The following AZU1 variants were observed in gnomAD, a reference collection of about 807,000 sequenced individuals.
The protein encoded by AZU1 is azurocidin 1, also known as azurocidin.
A neutral mutation model predicts 17.8 loss-of-function variants in AZU1; 21 were observed. The ratio of observed to expected loss-of-function variants is 1.18; its 90% confidence interval spans 0.84 to 1.70. AZU1 has a LOEUF of 1.70. Among genes scored for constraint, AZU1 ranks in the 40% most tolerant of loss-of-function variants. The pLI, the probability that AZU1 is intolerant of heterozygous loss-of-function variation, is 0.00. For synonymous variants in AZU1, 178 were observed against 155.2 expected (o/e 1.15, Z -1.09); for missense variants, 379 against 362.9 (o/e 1.04, Z -0.36).
At chr19:828,748 G>C (rs1208942380) in intron 2 of AZU1, among the ~76,000 whole-genome samples, 2 of 121,078 alleles carry the variant, frequency 1.7e-5, no homozygotes, top group African/African-American at 3.2e-5. Flanking sequence ...AAAGGAAGGG[G>C]CTCAGATGGA....
intron 4 of AZU1, chr19:831,367 C>T (rs565734477): frequency 3.2e-4 from 110 of 341,246 alleles, no homozygotes; most frequent in African/African-American, 1.3e-3. Context: ...CATGAGCCAC[C>T]GTGCCTGGCT....
chr19:830,840 C>G lies in AZU1; in HGVS notation c.493C>G (p.Arg165Gly). ...GSQRSGGRLS[R>G]FPRFVNVTVT... ...CCAGCGCAGTGGGGGGCGTCTCTCCCGTTTTCCCAGGTTTGTCAACGTGAC... is the reference window on the plus strand; with the variant it reads ...CCAGCGCAGTGGGGGGCGTCTCTCCGGTTTTCCCAGGTTTGTCAACGTGAC... The change falls in exon 4 of 5, where the codon CGT becomes GGT. Residue 165 changes from arginine to glycine, a missense_variant. By Grantham distance (125) the Arg-to-Gly change is moderately radical (BLOSUM62 -2). Coordinates refer to ENST00000233997, the MANE Select transcript of AZU1 (RefSeq NM_001700.5). The G allele has an allele frequency of 1.2e-6, 2 of 1,608,402 alleles. No homozygotes were observed. The highest frequency in any genetic ancestry group is 1.1e-5 in the South Asian group (1 of 91,076).
intron 3 of AZU1, 145 bp downstream of exon 3, chr19:829,851 G>C (rs1183287172): frequency 1.8e-5 from 22 of 1,242,502 alleles, no homozygotes; most frequent in Non-Finnish European, 2.4e-5. Context: ...TGCTTCAGGA[G>C]GCCGAGGCGG....
At chr19:829,127 T>C (rs373879879) in intron 2 of AZU1, among the ~76,000 whole-genome samples, 49 of 13,568 alleles carry the variant, frequency 3.6e-3, no homozygotes, top group African/African-American at 9.5e-3. Context: ...ATGGAGGAGG[T>C]GCAGAGAAGG....
At chr19:829,298 G>A (rs867026163) in intron 2 of AZU1, among the ~76,000 whole-genome samples, 1,869 of 105,034 alleles carry the variant, frequency 0.018, no homozygotes, top group East Asian at 0.046. Flanking sequence ...GAGGCTCAGA[G>A]AAGGGAAGGG....
chr19:831,637 C>A (rs1038383938), intron 4 of AZU1, 79 bp from the exon 5 acceptor site: 7 of 1,416,382 alleles, frequency 4.9e-6, no homozygotes, highest in African/African-American at 1.4e-5. Flanking sequence ...GTTCCAGGGG[C>A]AGCAAGAGGC....
In AZU1 at chr19:832,005, G is replaced by T; in HGVS notation, c.*128G>T. 1 of 1,193,252 alleles carries T rather than the reference G, an allele frequency of 8.4e-7. No individual in the cohort carries two copies. Among genetic ancestry groups the T allele is most frequent in the Non-Finnish European group, 1.2e-6 (1 of 866,418 alleles). 73.9% of individuals were successfully genotyped at this position (1,193,252 alleles called of 1,614,324 possible). ...GGGCCCTGGCTGTAATAAAGAAGCCGATCTCTCCTCTGCTCCTGGTTTCTG... is the reference window on the plus strand; with the variant it reads ...GGGCCCTGGCTGTAATAAAGAAGCCTATCTCTCCTCTGCTCCTGGTTTCTG... On this transcript the variant is annotated 3_prime_UTR_variant, in exon 5 of 5. Coordinates refer to ENST00000233997, the MANE Select transcript of AZU1 (RefSeq NM_001700.5).
intron 2 of AZU1, 90 bp from the exon 3 acceptor site, chr19:829,472 T>A: frequency 6.7e-7 from 1 of 1,497,346 alleles, no homozygotes. Context: ...GTCTGCAGGC[T>A]GGGATCCCCC....
chr19:827,837 C>G lies in AZU1; in HGVS notation c.-10C>G. The G allele has an allele frequency of 1.3e-6, 2 of 1,535,334 alleles. No individual in the cohort carries two copies. Among genetic ancestry groups the G allele is most frequent in the Non-Finnish European group, 1.7e-6 (2 of 1,146,586 alleles). ...GGCAGCCGCCGCCTTAGCCACAGAC[C>G]TGCCCCGCCATGACCCGGCTGACAG... On this transcript the variant is annotated 5_prime_UTR_variant, in exon 1 of 5. Transcript: ENST00000233997.
rs61732996 is a variant in AZU1, at chr19:830,841, G to A, written c.494G>A (p.Arg165His). The change falls in exon 4 of 5, where the codon CGT (arginine) becomes CAT (histidine). Residue 165 changes from arginine (R) to histidine (H), a missense_variant. Arg to His is a conservative substitution (Grantham distance 29, BLOSUM62 0). Coordinates refer to ENST00000233997, the MANE Select transcript of AZU1 (RefSeq NM_001700.5). ...GSQRSGGRLS[R>H]FPRFVNVTVT... ...CAGCGCAGTGGGGGGCGTCTCTCCC[G>A]TTTTCCCAGGTTTGTCAACGTGACT... 2.1e-3 allele frequency: 3,322 copies of A among 1,608,314 alleles called. 9 individuals are homozygous for A. Among genetic ancestry groups the A allele is most frequent in the African/African-American group, 0.013 (955 of 75,036 alleles).
At chr19:828,867 G>A (rs1446142896) in intron 2 of AZU1, among the ~76,000 whole-genome samples, 66 of 141,536 alleles carry the variant, frequency 4.7e-4, no homozygotes, top group Non-Finnish European at 9.1e-4. Context: ...AGGAGGTGCA[G>A]AGAAGAGAAG....
chr19:828,237 C>G lies in AZU1; in HGVS notation c.66C>G (p.Ser22Arg). 1.2e-6 allele frequency: 2 copies of G among 1,604,932 alleles called. No homozygotes were observed. Among genetic ancestry groups the G allele is most frequent in the Non-Finnish European group, 1.7e-6 (2 of 1,177,444 alleles). ...TGTCTCCCCCCGACCCAGGCTCCAG[C>G]CCCCTTTTGGACATCGTTGGCGGCC... Reference protein sequence around the residue: ...GLLASSRAGSSPLLDIVGGRK... With the variant: ...GLLASSRAGSRPLLDIVGGRK... The change falls in exon 2 of 5, where the codon AGC (serine) becomes AGG (arginine). Residue 22 changes from serine (S) to arginine (R), a missense_variant. Ser to Arg is a moderately radical substitution (Grantham distance 110). Transcript: ENST00000233997.
chr19:830,798 G>A lies in AZU1; in HGVS notation c.451G>A (p.Val151Met), dbSNP rs751200199. 2.5e-6 allele frequency: 4 copies of A among 1,606,518 alleles called. No homozygotes were observed. The highest frequency in any genetic ancestry group is 4.5e-5 in the East Asian group (2 of 44,880). The change falls in exon 4 of 5, where the codon GTG (valine) becomes ATG (methionine). Residue 151 changes from valine (V) to methionine (M), a missense_variant. Transcript: ENST00000233997. ...GGTGGAAGCCGGCACCAGATGCCAG[G>A]TGGCCGGCTGGGGGAGCCAGCGCAG... is the stretch of plus-strand genomic sequence containing the variant. ...ATVEAGTRCQVAGWGSQRSGG... is the reference protein window; with the variant it reads ...ATVEAGTRCQMAGWGSQRSGG...
intron 4 of AZU1, 102 bp from the exon 5 acceptor site, chr19:831,614 T>C: frequency 7.7e-7 from 1 of 1,295,862 alleles, no homozygotes; most frequent in Non-Finnish European, 1.0e-6. Context: ...TGGGGCTGGA[T>C]CAGGACTTGT....
rs777718209 is a variant in AZU1, at chr19:828,388, TGA to T, written c.215+4_215+5del. The T allele has an allele frequency of 6.8e-7, 1 of 1,480,380 alleles. No individual in the cohort carries two copies. Among genetic ancestry groups the T allele is most frequent in the Non-Finnish European group, 9.0e-7 (1 of 1,112,188 alleles). The allele number at this position is 1,480,380 out of a possible 1,614,324, so 91.7% of individuals were successfully genotyped here. A position where few individuals can be genotyped will look rare whatever the true frequency, so the allele number is the denominator to read the frequency against. On this transcript the variant is annotated splice_donor_region_variant and intron_variant, in intron 2 of 4. Coordinates refer to ENST00000233997, the MANE Select transcript of AZU1 (RefSeq NM_001700.5). The stretch of plus-strand genomic sequence containing the variant: ...CGCGGCCAGCTGCTTCCAAAGCCAG[TGA>T]GGGGTCCTGGGGAGGGGGCCTAGGG...
At position 830,951 on chromosome 19, in the gene AZU1, C is replaced by G; in HGVS notation, c.594+10C>G. ...CGGTGGCATCTGCAATGTGAGTGCT[C>G]CCTGTGGCGGGAGGAGGGGTCCTGA... On this transcript the variant is annotated intron_variant, in intron 4 of 4. Transcript: ENST00000233997. 1.3e-6 allele frequency: 2 copies of G among 1,598,390 alleles called. No individual in the cohort carries two copies. Among genetic ancestry groups the G allele is most frequent in the Non-Finnish European group, 1.7e-6 (2 of 1,178,754 alleles).
rs771010406 is a variant in AZU1 at position 830,769 on chromosome 19, C to G, written c.422C>G (p.Ala141Gly). 1 of 1,604,204 alleles carries G rather than the reference C, an allele frequency of 6.2e-7. No individual in the cohort carries two copies. The highest frequency in any genetic ancestry group is 8.5e-7 in the Non-Finnish European group (1 of 1,179,620). The change falls in exon 4 of 5, where the codon GCC becomes GGC. Residue 141 changes from alanine to glycine, a missense_variant. Ala to Gly is a moderately conservative substitution (Grantham distance 60). Transcript: ENST00000233997. ...ATACTGCCACTGCCTCTGCAGAACG[C>G]CACGGTGGAAGCCGGCACCAGATGC... ...VTILPLPLQNATVEAGTRCQV... is the reference protein window; with the variant it reads ...VTILPLPLQNGTVEAGTRCQV...
intron 3 of AZU1, among the ~76,000 whole-genome samples, 181 bp downstream of exon 3, chr19:829,887 G>A (rs974968113): frequency 2.6e-5 from 4 of 152,046 alleles, no homozygotes; most frequent in African/African-American, 7.2e-5. Context: ...TCAGGAGTTC[G>A]AGACCAGCCT....
Position 828,328 on chromosome 19 carries a change from G to A in AZU1, c.157G>A (p.Gly53Arg), listed in dbSNP as rs759165177. The A allele has an allele frequency of 2.8e-5, 45 of 1,610,780 alleles. No individual in the cohort carries two copies. Among genetic ancestry groups the A allele is most frequent in the Middle Eastern group, 1.6e-4 (1 of 6,070 alleles). Residue 53 changes from glycine (G) to arginine (R), a missense_variant, in exon 2 of 5, where the codon GGG (glycine) becomes AGG (arginine). Gly to Arg is a moderately radical substitution (Grantham distance 125). Transcript: ENST00000233997. ...TCAGAATCAAGGCAGGCACTTCTGC[G>A]GGGGTGCCCTGATCCATGCCCGCTT... The part of the protein sequence containing the change: ...SIQNQGRHFC[G>R]GALIHARFVM...
Sources: gnomAD v4.1 joint callset for allele counts (sites outside exome capture counted in the v4.1 genomes callset) on GRCh38, gnomAD v4.1.1 for gene constraint, MANE v1.5 for transcripts, NCBI Gene and HGNC (gene_info 2026-07-23, HGNC 2026-07-21) for gene names.